Variants in MLPH observed in about 807,000 individuals in gnomAD.
MLPH encodes the protein exophilin-3.
In MLPH, 51 loss-of-function variants were observed where a neutral mutation model predicts 72.1. The observed-to-expected ratio is 0.71, with a 90% CI of 0.56 to 0.89. The LOEUF (loss-of-function observed/expected upper bound fraction) is 0.89. Among genes scored for constraint, MLPH ranks in the 40% least tolerant of loss-of-function variants. The pLI, the probability that MLPH is intolerant of heterozygous loss-of-function variation, is 0.00. For synonymous variants in MLPH, 301 were observed against 310.1 expected, an observed-to-expected ratio of 0.97 and a Z score of 0.31; for missense variants, 743 against 759.9, an observed-to-expected ratio of 0.98 and a Z score of 0.26.
Position 237,541,897 on chromosome 2 carries a change from A to C in MLPH, c.1447-670A>C. 6.6e-6 allele frequency among the ~76,000 whole-genome samples: 1 copy of C among 152,226 alleles called. No homozygotes were observed. Among genetic ancestry groups the C allele is most frequent in the East Asian group, 1.9e-4 (1 of 5,188 alleles). On this transcript the variant is annotated intron_variant, in intron 11 of 15. Coordinates refer to ENST00000264605, the MANE Select transcript of MLPH (RefSeq NM_024101.7). This position sits in a 1 kb window ranked among gnomAD's most constrained non-coding sequence, Gnocchi z 5.1. ...AGATAAGGCAGTCAGGAGGGATACT[A>C]GGAAAGTAAGCCAGCCTGGCAAATC...
In MLPH at chr2:237,510,655, C is replaced by A; in HGVS notation, c.192C>A (p.Cys64Ter). 6.2e-7 allele frequency: 1 copy of A among 1,613,794 alleles called. No individual in the cohort carries two copies. Among genetic ancestry groups the A allele is most frequent in the Non-Finnish European group, 8.5e-7 (1 of 1,180,046 alleles). The stretch of plus-strand genomic sequence containing the variant: ...CTGCCCATCTGAACGAGACCCACTG[C>A]GCCCGCTGCCTGCAGCCCTACCAGC... The part of the protein sequence containing the change: ...SDTAHLNETH[C>*]ARCLQPYQLL... Residue 64 changes from cysteine to a stop codon, truncating the protein, a stop_gained, in exon 3 of 16, where the codon TGC becomes TGA. Transcript: ENST00000264605. LOFTEE classifies it high-confidence loss of function. This position sits in a 1 kb window ranked among gnomAD's most constrained non-coding sequence, Gnocchi z 4.4.
intron 6 of MLPH, among the ~76,000 whole-genome samples, chr2:237,523,260 G>A (rs189602460): frequency 6.0e-4 from 91 of 152,284 alleles, no homozygotes; most frequent in Admixed American, 1.2e-3. Context: ...AGGCACATGC[G>A]ATAGATGTTT....
chr2:237,520,346 C>G (rs952058278), intron 6 of MLPH, among the ~76,000 whole-genome samples: 2 of 152,126 alleles, frequency 1.3e-5, no homozygotes, highest in Admixed American at 6.5e-5. Context: ...GCAGAACCCC[C>G]GAGACTCAGG....
At chr2:237,531,597 C>A (rs960797772) in intron 8 of MLPH, among the ~76,000 whole-genome samples, 1 of 152,190 alleles carries the variant, frequency 6.6e-6, no homozygotes, top group Non-Finnish European at 1.5e-5. Flanking sequence ...TGGAATTATT[C>A]TCTAGTTCAT....
chr2:237,504,565 G>T (rs1457717789), intron 2 of MLPH, among the ~76,000 whole-genome samples: 2 of 152,204 alleles, frequency 1.3e-5, no homozygotes, highest in African/African-American at 4.8e-5. Flanking sequence ...CTCTGAAATG[G>T]CAGCAGTTGG....
Position 237,553,955 on chromosome 2 carries a change from A to G in MLPH, c.*363A>G, listed in dbSNP as rs1355731436. On this transcript the variant is annotated 3_prime_UTR_variant, in exon 16 of 16. Transcript: ENST00000264605. ...CTCTTGGCTTTCTTATGTTGCTTTC[A>G]TGAATGGAATGGAAAAAAGATGACT... 1 of 404,112 alleles carries G rather than the reference A, an allele frequency of 2.5e-6. No homozygotes were observed. Among genetic ancestry groups the G allele is most frequent in the Non-Finnish European group, 4.7e-6 (1 of 211,878 alleles). 25.0% of individuals were successfully genotyped at this position (404,112 alleles called of 1,614,324 possible). A position where few individuals can be genotyped will look rare whatever the true frequency, so the allele number is the denominator to read the frequency against.
At chr2:237,519,592 T>G (rs1315384453) in intron 5 of MLPH, among the ~76,000 whole-genome samples, 1 of 152,198 alleles carries the variant, frequency 6.6e-6, no homozygotes, top group Non-Finnish European at 1.5e-5. Flanking sequence ...CTGGAACAGC[T>G]TGCCTGCCCC....
At position 237,541,175 on chromosome 2, in the gene MLPH, T is replaced by C. The variant is rs2080673470; in HGVS notation, c.1446+218T>C. Among the ~76,000 whole-genome samples, 1 of 152,088 alleles carries C rather than the reference T, an allele frequency of 6.6e-6. No homozygotes were observed. The highest frequency in any genetic ancestry group is 2.1e-4 in the South Asian group (1 of 4,814). The stretch of plus-strand genomic sequence containing the variant: ...CTGAGCCCTCCACCCCTTCCCTTTT[T>C]CCTGTTCAACTTGGTGAGGGACAGG... On this transcript the variant is annotated intron_variant, in intron 11 of 15. Coordinates refer to ENST00000264605, the MANE Select transcript of MLPH (RefSeq NM_024101.7). This position sits in a 1 kb window ranked among gnomAD's most constrained non-coding sequence, Gnocchi z 5.1.
chr2:237,490,897 G>A (rs1298133195), intron 1 of MLPH, among the ~76,000 whole-genome samples: 1 of 152,130 alleles, frequency 6.6e-6, no homozygotes, highest in Non-Finnish European at 1.5e-5. Flanking sequence ...ATCTCTTCTT[G>A]TATTGCAAAC....
At chr2:237,545,611 G>A in intron 12 of MLPH, 1 of 1,286,556 alleles carries the variant, frequency 7.8e-7, no homozygotes, top group Non-Finnish European at 1.0e-6. Context: ...CTAGAACGGA[G>A]GGCGCGGGAG....
chr2:237,545,565 A>C (rs1238459179), intron 12 of MLPH: 1 of 1,288,252 alleles, frequency 7.8e-7, no homozygotes, highest in East Asian at 5.5e-5. Context: ...CTCATGTGGA[A>C]ATCCTTAGTC....
In MLPH at chr2:237,512,639, G is replaced by T. The variant is rs1266074786; in HGVS notation, c.445+1538G>T. 9.2e-5 allele frequency among the ~76,000 whole-genome samples: 14 copies of T among 152,128 alleles called. No individual in the cohort carries two copies. The highest frequency in any genetic ancestry group is 9.2e-4 in the Admixed American group (14 of 15,274). On this transcript the variant is annotated intron_variant, in intron 4 of 15. Coordinates refer to ENST00000264605, the MANE Select transcript of MLPH (RefSeq NM_024101.7). The surrounding 1 kb of genome is among the most constrained non-coding windows in gnomAD (Gnocchi z 5.5). ...CCACCTCCCCACACGCACACGGCCA[G>T]CCTGGAGCCCACAGAAGGGTCCTCC...
intron 4 of MLPH, among the ~76,000 whole-genome samples, chr2:237,516,327 G>A (rs539225377): frequency 3.3e-5 from 5 of 152,328 alleles, no homozygotes; most frequent in South Asian, 2.1e-4. Flanking sequence ...AGGGAGAGAC[G>A]GTGGGGCTGT....
At chr2:237,553,443 T>C in intron 15 of MLPH, 123 bp from the exon 16 acceptor site, 1 of 902,376 alleles carries the variant, frequency 1.1e-6, no homozygotes, top group Non-Finnish European at 1.8e-6. Context: ...TCTAAATTTG[T>C]GTCTACAGAT....
In MLPH at chr2:237,541,682, T is replaced by C. The variant is rs1033462018; in HGVS notation, c.1446+725T>C. ...GCAAATAAGCTTTAAATGCCTAGAA[T>C]GTAGCCCACATTGTGTAGGCCACGG... On this transcript the variant is annotated intron_variant, in intron 11 of 15. Transcript: ENST00000264605. This position sits in a 1 kb window ranked among gnomAD's most constrained non-coding sequence, Gnocchi z 5.1. Among the ~76,000 whole-genome samples the C allele has an allele frequency of 7.2e-5, 11 of 152,260 alleles. No individual in the cohort carries two copies. The highest frequency in any genetic ancestry group is 2.4e-4 in the African/African-American group (10 of 41,468).
intron 8 of MLPH, among the ~76,000 whole-genome samples, chr2:237,530,304 C>T (rs530360382): frequency 6.6e-6 from 1 of 152,362 alleles, no homozygotes; most frequent in African/African-American, 2.4e-5. Context: ...GCCAAACCTT[C>T]GCGTGCATGA....
At chr2:237,520,534 G>A (rs1014197267) in intron 6 of MLPH, among the ~76,000 whole-genome samples, 1 of 152,234 alleles carries the variant, frequency 6.6e-6, no homozygotes, top group Non-Finnish European at 1.5e-5. Context: ...GGGCCATCCA[G>A]GTGAACAGGA....
At chr2:237,488,648 T>A (rs2079368397) in intron 1 of MLPH, among the ~76,000 whole-genome samples, 1 of 152,096 alleles carries the variant, frequency 6.6e-6, no homozygotes, top group African/African-American at 2.4e-5. Flanking sequence ...GAGGACACAT[T>A]TAGAGAACAT....
intron 7 of MLPH, among the ~76,000 whole-genome samples, chr2:237,526,735 C>T (rs1242775011): frequency 1.3e-5 from 2 of 152,170 alleles, no homozygotes; most frequent in Admixed American, 6.5e-5. Flanking sequence ...TTCTCACACA[C>T]GTTCTTTTTA....
Sources: gnomAD v4.1 joint callset for allele counts (sites outside exome capture counted in the v4.1 genomes callset) on GRCh38, gnomAD v4.1.1 for gene constraint, Gnocchi (gnomAD v3.1) non-coding constraint, MANE v1.5 for transcripts, NCBI Gene and HGNC (gene_info 2026-07-23, HGNC 2026-07-21) for gene names.